DTYMK: variants seen among roughly 807,000 people sequenced by gnomAD.
DTYMK encodes the protein deoxythymidylate kinase.
A neutral mutation model predicts 20.3 loss-of-function variants in DTYMK; 20 were observed. The ratio of observed to expected loss-of-function variants is 0.99; its 90% CI spans 0.69 to 1.43. The LOEUF (loss-of-function observed/expected upper bound fraction) is 1.43, where lower values mean the gene tolerates loss of function less well. Ranked by LOEUF, DTYMK falls within the 40% of genes most tolerant of loss-of-function variation. DTYMK has a pLI of 0.00. For synonymous variants in DTYMK, 148 were observed against 124.4 expected (o/e 1.19, Z -1.27); for missense variants, 320 against 291.1 (o/e 1.10, Z -0.72).
chr2:241,686,523 A>C (rs111965544), intron 1 of DTYMK, 131 bp downstream of exon 1: 166,899 of 1,308,700 alleles, frequency 0.13, 11,766 homozygotes, highest in East Asian at 0.29. Context: ...GACACAGGGA[A>C]AGCCCGTCTT....
rs1002475152 is a variant in DTYMK at position 241,679,741 on chromosome 2, A to G, written c.330+488T>C. On this transcript the variant is annotated intron_variant, in intron 3 of 4. Coordinates refer to ENST00000305784, the MANE Select transcript of DTYMK (RefSeq NM_012145.4). ...CCTAGCACTTTGGGAGGCTGAGATGAGTGGATCACTTGAGGTCAGGAGTTT... is the reference window on the plus strand; with the variant it reads ...CCTAGCACTTTGGGAGGCTGAGATGGGTGGATCACTTGAGGTCAGGAGTTT... 1.3e-5 allele frequency among the ~76,000 whole-genome samples: 2 copies of G among 152,012 alleles called. 1 individual carries two copies. Among genetic ancestry groups the G allele is most frequent in the South Asian group, 4.2e-4 (2 of 4,814 alleles).
intron 1 of DTYMK, 35 bp downstream of exon 1, chr2:241,686,619 A>G: frequency 6.8e-7 from 1 of 1,473,772 alleles, no homozygotes; most frequent in African/African-American, 1.5e-5. Context: ...AGAGGCACCG[A>G]AGGCCGCGGC....
At chr2:241,676,625 C>T (rs1274640533) in intron 4 of DTYMK, among the ~76,000 whole-genome samples, 5 of 152,248 alleles carry the variant, frequency 3.3e-5, no homozygotes, top group African/African-American at 7.2e-5. Context: ...GGTAGTCACC[C>T]GGCATTCCTG....
chr2:241,684,778 G>A (rs1210905438), intron 2 of DTYMK: 1 of 458,496 alleles, frequency 2.2e-6, no homozygotes, highest in Non-Finnish European at 4.5e-6. Context: ...AAAAAAGGTG[G>A]TAGGAGAGTT....
At chr2:241,681,405 A>T (rs1441678935) in intron 2 of DTYMK, among the ~76,000 whole-genome samples, 1 of 152,228 alleles carries the variant, frequency 6.6e-6, no homozygotes, top group Non-Finnish European at 1.5e-5. Context: ...AAAATGAATC[A>T]CAGGCCTGGC....
intron 1 of DTYMK, among the ~76,000 whole-genome samples, chr2:241,686,154 C>G (rs2069393222): frequency 6.6e-6 from 1 of 152,206 alleles, no homozygotes; most frequent in South Asian, 2.1e-4. Context: ...AATTTGTGGA[C>G]TGGGTGGCCA....
intron 2 of DTYMK, chr2:241,685,227 C>T (rs1024948266): frequency 6.5e-6 from 1 of 153,088 alleles, no homozygotes; most frequent in Non-Finnish European, 1.5e-5. Flanking sequence ...GGGCCAGGTA[C>T]GGTGGCTCAC....
chr2:241,680,612 G>A (rs1015552864), intron 2 of DTYMK, among the ~76,000 whole-genome samples: 1 of 152,058 alleles, frequency 6.6e-6, no homozygotes, highest in Admixed American at 6.6e-5. Context: ...GGTGGAGGTT[G>A]CAGTGAGCCG....
At chr2:241,678,762 A>T in intron 3 of DTYMK, 113 bp from the exon 4 acceptor site, 1 of 1,188,386 alleles carries the variant, frequency 8.4e-7, no homozygotes, top group Non-Finnish European at 1.2e-6. Context: ...AAGATGTGAG[A>T]CTGTTTATAT....
chr2:241,676,251 G>C lies in DTYMK; in HGVS notation c.529-14C>G. ...AGCATCCACCATCTGTTCCCACCGG[G>C]GTTTCAGGAGAAAAAGAGGCTCATC... On this transcript the variant is annotated splice_polypyrimidine_tract_variant and intron_variant, in intron 4 of 4. Transcript: ENST00000305784. 1 of 1,604,136 alleles carries C rather than the reference G, an allele frequency of 6.2e-7. No homozygotes were observed.
chr2:241,684,368 T>G (rs1384634962), intron 2 of DTYMK, among the ~76,000 whole-genome samples: 1 of 152,206 alleles, frequency 6.6e-6, no homozygotes. Flanking sequence ...CATTTTCATT[T>G]AAGACTTGGA....
chr2:241,685,611 A>G, intron 2 of DTYMK, 158 bp downstream of exon 2: 1 of 666,602 alleles, frequency 1.5e-6, no homozygotes, highest in Admixed American at 2.9e-5. Context: ...TTTGGGAACT[A>G]GGGCGCTTCA....
chr2:241,685,900 A>T (rs1238806116), intron 1 of DTYMK, 23 bp from the exon 2 acceptor site: 1 of 1,608,762 alleles, frequency 6.2e-7, no homozygotes, highest in African/African-American at 1.3e-5. Context: ...AGAAACACAC[A>T]AAATGCAAGT....
chr2:241,682,312 C>T (rs1161462020), intron 2 of DTYMK: 1 of 438,526 alleles, frequency 2.3e-6, no homozygotes, highest in East Asian at 7.3e-5. Context: ...TGCACTCAGC[C>T]TGCATGACAC....
chr2:241,682,175 A>G (rs1013417797), intron 2 of DTYMK: 5 of 447,210 alleles, frequency 1.1e-5, no homozygotes, highest in African/African-American at 4.0e-5. Flanking sequence ...CTCCATCGCT[A>G]CAAAAAATTT....
intron 2 of DTYMK, among the ~76,000 whole-genome samples, chr2:241,683,826 C>T (rs1048150692): frequency 1.3e-4 from 20 of 151,946 alleles, no homozygotes; most frequent in African/African-American, 4.1e-4. Context: ...GGGAGGCCGA[C>T]GTGGGAGGAT....
At position 241,686,638 on chromosome 2, in the gene DTYMK, C is replaced by T. The variant is rs768398398; in HGVS notation, c.130+16G>A. ...GCACCGAAGGCCGCGGCGCACCCCC[C>T]GCCGCGCGCACCCACCCGGGAACCG... On this transcript the variant is annotated intron_variant, in intron 1 of 4. Coordinates refer to ENST00000305784, the MANE Select transcript of DTYMK (RefSeq NM_012145.4). 5.3e-6 allele frequency: 8 copies of T among 1,496,758 alleles called. 1 individual carries two copies. In the South Asian group the frequency reaches 7.6e-5, roughly 14 times the overall value. The allele number at this position is 1,496,758 out of a possible 1,614,324, so 92.7% of individuals were successfully genotyped here.
intron 4 of DTYMK, among the ~76,000 whole-genome samples, chr2:241,676,817 G>A (rs187230535): frequency 4.9e-4 from 75 of 152,362 alleles, no homozygotes; most frequent in Non-Finnish European, 8.4e-4. Flanking sequence ...GCTCGCAAGC[G>A]GCGAGTCGGA....
intron 2 of DTYMK, among the ~76,000 whole-genome samples, chr2:241,681,227 A>G (rs1270655592): frequency 1.6e-4 from 25 of 152,248 alleles, no homozygotes; most frequent in Admixed American, 1.6e-3. Flanking sequence ...GGGGCCTTCA[A>G]ATCACAGGGG....
Sources: allele counts gnomAD v4.1 joint callset (sites outside exome capture counted in the v4.1 genomes callset), GRCh38; gene constraint gnomAD v4.1.1; transcripts MANE v1.5; gene names NCBI Gene and HGNC (gene_info 2026-07-23, HGNC 2026-07-21).